EYA2: variants seen among roughly 807,000 people sequenced by gnomAD.
EYA2 encodes the protein EYA transcriptional coactivator and phosphatase 2, also known as protein phosphatase EYA2.
EYA2 carries 31 observed loss-of-function variants against 69.2 expected under a neutral mutation model. The ratio of observed to expected loss-of-function variants is 0.45; its 90% CI spans 0.34 to 0.60. The LOEUF (loss-of-function observed/expected upper bound fraction) is 0.60, where lower values mean the gene tolerates loss of function less well. EYA2 is among the 20% of genes least tolerant of loss of function. The probability of loss-of-function intolerance (pLI) is 0.02; values close to 1 mark genes in which losing one functional copy is unlikely to be tolerated. For missense variants in EYA2, 622 were observed against 701.2 expected, an observed-to-expected ratio of 0.89 and a Z score of 1.28; for synonymous variants, 257 against 279.4, an observed-to-expected ratio of 0.92 and a Z score of 0.80.
intron 8 of EYA2, chr20:47,095,981 G>A (rs1437202905): frequency 6.6e-6 from 1 of 152,190 alleles, no homozygotes; most frequent in Non-Finnish European, 1.5e-5. Flanking sequence ...ACTGAGGATA[G>A]ATATCTCCAA....
At chr20:46,955,272 C>T (rs896708180) in intron 1 of EYA2, among the ~76,000 whole-genome samples, 3 of 152,042 alleles carry the variant, frequency 2.0e-5, no homozygotes, top group Admixed American at 6.6e-5. Flanking sequence ...GCTGGGATTA[C>T]AGGCGTGAGC....
At chr20:46,949,107 G>C (rs1978646634) in intron 1 of EYA2, among the ~76,000 whole-genome samples, 2 of 152,194 alleles carry the variant, frequency 1.3e-5, no homozygotes, top group South Asian at 4.1e-4. Context: ...TCTGACTCCA[G>C]AATATGGGGT....
At chr20:47,150,169 G>A (rs965429839) in intron 10 of EYA2, among the ~76,000 whole-genome samples, 2 of 152,200 alleles carry the variant, frequency 1.3e-5, no homozygotes, top group African/African-American at 4.8e-5. Context: ...GGCACCTGGC[G>A]TCATCCTGCC....
chr20:47,042,842 T>C lies in EYA2; in HGVS notation c.415+26545T>C, dbSNP rs991182078. On this transcript the variant is annotated intron_variant, in intron 5 of 15. Coordinates refer to ENST00000327619, the MANE Select transcript of EYA2 (RefSeq NM_005244.5). ...AGAAGAGAAAAGCAAGAAGGAGCAA[T>C]GCCACAATCAGGAAAGCCGAAGTTT... Among the ~76,000 whole-genome samples the C allele has an allele frequency of 1.3e-4, 20 of 152,184 alleles. 1 individual carries two copies. The highest frequency in any genetic ancestry group is 1.7e-4 in the African/African-American group (7 of 41,430).
chr20:47,119,532 C>A (rs1423392522), intron 9 of EYA2, among the ~76,000 whole-genome samples: 1 of 152,202 alleles, frequency 6.6e-6, no homozygotes, highest in East Asian at 1.9e-4. Flanking sequence ...CTACAACACA[C>A]TTATGTCAAG....
intron 14 of EYA2, among the ~76,000 whole-genome samples, chr20:47,181,406 C>A (rs116195889): frequency 6.6e-6 from 1 of 152,282 alleles, no homozygotes; most frequent in African/African-American, 2.4e-5. Flanking sequence ...TCTAGCAGGT[C>A]TGGTATTTGA....
chr20:46,995,896 A>G (rs544635365), intron 2 of EYA2, among the ~76,000 whole-genome samples: 1 of 152,328 alleles, frequency 6.6e-6, no homozygotes, highest in South Asian at 2.1e-4. Flanking sequence ...TACCTGCCCC[A>G]TCTGCATATG....
chr20:46,978,347 C>T (rs1980593235), intron 1 of EYA2: 2 of 342,520 alleles, frequency 5.8e-6, no homozygotes, highest in East Asian at 7.5e-5. Context: ...TGATAGAGGG[C>T]CATGGGCCTG....
intron 1 of EYA2, among the ~76,000 whole-genome samples, chr20:46,947,886 G>A (rs1600571102): frequency 6.6e-6 from 1 of 152,142 alleles, no homozygotes; most frequent in Admixed American, 6.6e-5. Flanking sequence ...AGAGGCCAAG[G>A]TGGGAGGATC....
At chr20:47,021,457 T>C (rs1453083087) in intron 5 of EYA2, among the ~76,000 whole-genome samples, 1 of 151,758 alleles carries the variant, frequency 6.6e-6, no homozygotes, top group African/African-American at 2.4e-5. Flanking sequence ...CAAAACCCCA[T>C]CTCTACTTAA....
chr20:46,906,908 A>C (rs1984385536), intron 1 of EYA2, among the ~76,000 whole-genome samples: 1 of 152,202 alleles, frequency 6.6e-6, no homozygotes, highest in South Asian at 2.1e-4. Flanking sequence ...GTTAAATCTC[A>C]GTTATAATTT....
chr20:47,083,658 G>T (rs1435802992), intron 7 of EYA2, among the ~76,000 whole-genome samples: 1 of 150,264 alleles, frequency 6.7e-6, no homozygotes, highest in Non-Finnish European at 1.5e-5. Context: ...ATGCAAAATA[G>T]ATCATAGACT....
intron 1 of EYA2, among the ~76,000 whole-genome samples, chr20:46,914,331 A>G (rs1207434857): frequency 2.0e-5 from 3 of 152,306 alleles, no homozygotes; most frequent in East Asian, 1.9e-4. Flanking sequence ...TCCAGATTCT[A>G]CCGCTTGATG....
At chr20:47,143,731 C>T (rs2033645549) in intron 10 of EYA2, among the ~76,000 whole-genome samples, 2 of 152,136 alleles carry the variant, frequency 1.3e-5, no homozygotes, top group African/African-American at 2.4e-5. Flanking sequence ...TGTTTATACC[C>T]AGCCTATGTC....
At chr20:47,160,499 G>A (rs774427283) in intron 10 of EYA2, among the ~76,000 whole-genome samples, 1 of 152,100 alleles carries the variant, frequency 6.6e-6, no homozygotes, top group East Asian at 1.9e-4. Flanking sequence ...GGCGGGGGGC[G>A]GTGCGGGCAG....
intron 5 of EYA2, among the ~76,000 whole-genome samples, chr20:47,056,000 G>A (rs548851975): frequency 1.9e-4 from 29 of 152,220 alleles, no homozygotes; most frequent in Admixed American, 9.8e-4. Flanking sequence ...GCATTATCCC[G>A]ACTTGTGTGG....
intron 5 of EYA2, among the ~76,000 whole-genome samples, chr20:47,070,037 GA>G (rs1243883475): frequency 1.3e-5 from 2 of 151,674 alleles, no homozygotes; most frequent in African/African-American, 4.8e-5. Flanking sequence ...ATGCATCAAA[GA>G]AAAAAATCAA....
intron 9 of EYA2, among the ~76,000 whole-genome samples, chr20:47,097,403 C>G (rs1339410152): frequency 6.6e-6 from 1 of 152,206 alleles, no homozygotes; most frequent in Non-Finnish European, 1.5e-5. Flanking sequence ...TTGAAGCAAT[C>G]AACATTTACT....
intron 7 of EYA2, among the ~76,000 whole-genome samples, chr20:47,085,687 C>T (rs1029773069): frequency 5.9e-5 from 9 of 151,832 alleles, no homozygotes; most frequent in African/African-American, 1.2e-4. Context: ...CGATAAACAC[C>T]GCATGTACTG....
Sources: gnomAD v4.1 joint callset for allele counts (sites outside exome capture counted in the v4.1 genomes callset) on GRCh38, gnomAD v4.1.1 for gene constraint, MANE v1.5 for transcripts, NCBI Gene and HGNC (gene_info 2026-07-23, HGNC 2026-07-21) for gene names.